Variants in XRRA1 observed in about 807,000 individuals in gnomAD.
The protein encoded by XRRA1 is X-ray radiation resistance associated 1.
Under a neutral mutation model 80.2 loss-of-function variants are expected in XRRA1, and 69 were observed. The observed-to-expected ratio is 0.86, with a 90% CI of 0.71 to 1.05. The LOEUF (loss-of-function observed/expected upper bound fraction) is 1.05, where lower values mean the gene tolerates loss of function less well. Ranked by LOEUF, XRRA1 falls within the 50% of genes least tolerant of loss-of-function variation. XRRA1 has a pLI of 0.00. For missense variants in XRRA1, 967 were observed against 976.4 expected (o/e 0.99, Z 0.13); for synonymous variants, 348 against 389.9 (o/e 0.89, Z 1.27).
chr11:74,891,688 T>C (rs1006873027), intron 10 of XRRA1, among the ~76,000 whole-genome samples: 58 of 152,304 alleles, frequency 3.8e-4, no homozygotes, highest in Admixed American at 1.2e-3. Flanking sequence ...CTTAAGCTGA[T>C]AGGCAACTTC....
chr11:74,906,190 G>GT (rs1565374102), intron 10 of XRRA1, 49 bp downstream of exon 10: 2 of 1,545,454 alleles, frequency 1.3e-6, no homozygotes, highest in Non-Finnish European at 1.8e-6. Flanking sequence ...TCTCAGAAGT[G>GT]TATTTCCACC....
chr11:74,940,487 G>A (rs1231280814), intron 3 of XRRA1, among the ~76,000 whole-genome samples: 5 of 152,212 alleles, frequency 3.3e-5, no homozygotes, highest in African/African-American at 9.7e-5. Flanking sequence ...AGCAAGCACC[G>A]TGGAACAGAG....
At position 74,927,474 on chromosome 11, in the gene XRRA1, A is replaced by G. The variant is rs1208163039; in HGVS notation, c.439T>C (p.Phe147Leu). Residue 147 changes from phenylalanine to leucine, a missense_variant, in exon 7 of 19, where the codon TTT (phenylalanine) becomes CTT (leucine). Coordinates refer to ENST00000684022, the MANE Select transcript of XRRA1 (RefSeq NM_001378157.1). ...AGATCCAGTTCCTTTAGGGCTGGAA[A>G]CGTGTGAAATGCCTCTACATGGGGA... ...NLLPLEAFHT[F>L]PALKELDLAF... 2 of 1,611,562 alleles carry G rather than the reference A, an allele frequency of 1.2e-6. No individual in the cohort carries two copies. Among genetic ancestry groups the G allele is most frequent in the Non-Finnish European group, 8.5e-7 (1 of 1,177,768 alleles).
chr11:74,883,071 T>C (rs2048087962), intron 10 of XRRA1, among the ~76,000 whole-genome samples: 1 of 152,244 alleles, frequency 6.6e-6, no homozygotes, highest in South Asian at 2.1e-4. Flanking sequence ...TTTGTTTACC[T>C]AATCAAGCCT....
At chr11:74,862,919 T>C in intron 11 of XRRA1, 62 bp downstream of exon 11, 1 of 1,359,914 alleles carries the variant, frequency 7.4e-7, no homozygotes. Flanking sequence ...TTTTATTTGA[T>C]TTTGTCTATT....
intron 10 of XRRA1, among the ~76,000 whole-genome samples, chr11:74,867,225 C>T (rs2043650630): frequency 5.9e-5 from 9 of 152,096 alleles, no homozygotes; most frequent in Admixed American, 5.9e-4. Context: ...AGCAATGGTT[C>T]TTAAACAGGT....
chr11:74,941,366 T>C (rs1207190309), intron 2 of XRRA1, among the ~76,000 whole-genome samples: 2 of 152,144 alleles, frequency 1.3e-5, no homozygotes, highest in Admixed American at 6.5e-5. Flanking sequence ...TTAGAGAAAA[T>C]AGTGTACAAA....
intron 10 of XRRA1, among the ~76,000 whole-genome samples, chr11:74,895,928 G>A (rs930389725): frequency 2.0e-5 from 3 of 152,204 alleles, no homozygotes; most frequent in African/African-American, 7.2e-5. Flanking sequence ...TGGGCCAAAA[G>A]GGAACCTGCT....
At chr11:74,925,396 G>T (rs549353820) in intron 7 of XRRA1, among the ~76,000 whole-genome samples, 1 of 151,608 alleles carries the variant, frequency 6.6e-6, no homozygotes, top group South Asian at 2.1e-4. Context: ...AAGAACAGAA[G>T]ATTCCTAACC....
chr11:74,914,349 C>T (rs1242556767), intron 8 of XRRA1, among the ~76,000 whole-genome samples: 1 of 152,204 alleles, frequency 6.6e-6, no homozygotes, highest in East Asian at 1.9e-4. Context: ...TACTAAGTAT[C>T]CCACAAGGCT....
At chr11:74,942,482 G>A (rs1946517902) in intron 2 of XRRA1, among the ~76,000 whole-genome samples, 1 of 152,222 alleles carries the variant, frequency 6.6e-6, no homozygotes, top group Admixed American at 6.5e-5. Context: ...GGCCAGCACT[G>A]GGGGAAGGTG....
At chr11:74,871,280 T>G (rs1257983259) in intron 10 of XRRA1, among the ~76,000 whole-genome samples, 3 of 152,186 alleles carry the variant, frequency 2.0e-5, no homozygotes, top group Non-Finnish European at 4.4e-5. Context: ...ATGCCGAGGC[T>G]CAGGGAACCA....
At chr11:74,866,555 C>T (rs546503390) in intron 10 of XRRA1, among the ~76,000 whole-genome samples, 1 of 150,688 alleles carries the variant, frequency 6.6e-6, no homozygotes, top group African/African-American at 2.4e-5. Flanking sequence ...TATGCCCAGC[C>T]AAAACAGATG....
intron 16 of XRRA1, among the ~76,000 whole-genome samples, 196 bp downstream of exon 16, chr11:74,844,877 G>A (rs2037609633): frequency 6.6e-6 from 1 of 152,266 alleles, no homozygotes; most frequent in Non-Finnish European, 1.5e-5. Context: ...TGAAGGCCTA[G>A]GCCAGGACAG....
At position 74,841,107 on chromosome 11, in the gene XRRA1, TAATTA is replaced by T. The variant is rs2036473274; in HGVS notation, c.*2088_*2092del. 6.6e-6 allele frequency: 1 copy of T among 152,202 alleles called. No individual in the cohort carries two copies. The highest frequency in any genetic ancestry group is 1.5e-5 in the Non-Finnish European group (1 of 68,034). The allele number at this position is 152,202 out of a possible 1,614,324, so 9.4% of individuals were successfully genotyped here. On this transcript the variant is annotated 3_prime_UTR_variant, in exon 19 of 19. Transcript: ENST00000684022. ...TGATATATTTTGATTGGAATAATTT[TAATTA>T]AATTTAATGATTTTAATTAAGAATT...
intron 15 of XRRA1, 129 bp from the exon 16 acceptor site, chr11:74,845,400 G>T: frequency 1.1e-6 from 1 of 879,380 alleles, no homozygotes; most frequent in Non-Finnish European, 1.7e-6. Context: ...CCAAGACTGG[G>T]ATGGAAGAAA....
chr11:74,880,683 A>G (rs1369473095), intron 10 of XRRA1, among the ~76,000 whole-genome samples: 4 of 151,124 alleles, frequency 2.6e-5, no homozygotes, highest in African/African-American at 9.7e-5. Flanking sequence ...GTTGGTTTCA[A>G]AGAACATCTT....
chr11:74,940,616 T>A (rs567857915), intron 3 of XRRA1, among the ~76,000 whole-genome samples, 169 bp downstream of exon 3: 1 of 152,304 alleles, frequency 6.6e-6, no homozygotes, highest in South Asian at 2.1e-4. Context: ...GCACTGTGGT[T>A]AAATATGCAC....
chr11:74,852,327 G>A (rs1402352143), intron 12 of XRRA1, among the ~76,000 whole-genome samples: 1 of 152,156 alleles, frequency 6.6e-6, no homozygotes, highest in African/African-American at 2.4e-5. Flanking sequence ...GTGTTTAAGA[G>A]CTAAGAGTTT....
Sources: gnomAD v4.1 joint callset for allele counts (sites outside exome capture counted in the v4.1 genomes callset) on GRCh38, gnomAD v4.1.1 for gene constraint, MANE v1.5 for transcripts, NCBI Gene and HGNC (gene_info 2026-07-23, HGNC 2026-07-21) for gene names.